Variants in DNMT3A observed in about 807,000 individuals in gnomAD.
The protein encoded by DNMT3A is DNA (cytosine-5)-methyltransferase 3A.
Under a neutral mutation model 117.6 loss-of-function variants are expected in DNMT3A, and 267 were observed. The observed-to-expected ratio is 2.27, with a 90% CI of 2.05 to 2.51. DNMT3A has a LOEUF of 2.51. DNMT3A is among the 30% of genes most tolerant of loss of function. The pLI is 0.00. For missense variants in DNMT3A, 1,029 were observed against 1,260.2 expected (o/e 0.82, Z 2.78); for synonymous variants, 432 against 474.8 (o/e 0.91, Z 1.17).
At chr2:25,245,670 C>T (rs1674668092) in intron 12 of DNMT3A, among the ~76,000 whole-genome samples, 1 of 152,210 alleles carries the variant, frequency 6.6e-6, no homozygotes, top group Admixed American at 6.5e-5. Context: ...GGCCGAGGGT[C>T]CTGAGCCAGA....
At position 25,314,165 on chromosome 2, in the gene DNMT3A, TG is replaced by T. The variant is rs1422040243; in HGVS notation, c.-177-5del. ...GTGGGGGCTTCGATGGCTCCACCTG[TG>T]GGGGAGAGAAGAGGATCAGTGGGGC... On this transcript the variant is annotated splice_polypyrimidine_tract_variant and splice_region_variant and intron_variant, in intron 1 of 22. Coordinates refer to ENST00000321117, the MANE Select transcript of DNMT3A (RefSeq NM_022552.5). 7.0e-7 allele frequency: 1 copy of T among 1,423,028 alleles called. No homozygotes were observed. The highest frequency in any genetic ancestry group is 1.4e-5 in the African/African-American group (1 of 69,004). 88.2% of individuals were successfully genotyped at this position (1,423,028 alleles called of 1,614,324 possible).
intron 3 of DNMT3A, among the ~76,000 whole-genome samples, chr2:25,295,027 C>T (rs1382024517): frequency 6.6e-6 from 1 of 152,200 alleles, no homozygotes; most frequent in Non-Finnish European, 1.5e-5. Context: ...GGGGATGGAG[C>T]CCCACAGGGC....
At chr2:25,275,399 AAGG>A (rs1273523758) in intron 5 of DNMT3A, 98 bp downstream of exon 5, 1 of 1,459,078 alleles carries the variant, frequency 6.9e-7, no homozygotes, top group Non-Finnish European at 9.3e-7. Flanking sequence ...ATGTGTAAAG[AAGG>A]AGGAGGGGCC....
intron 1 of DNMT3A, chr2:25,328,755 G>A (rs747929420): frequency 2.1e-6 from 1 of 484,258 alleles, no homozygotes; most frequent in Admixed American, 2.3e-5. Context: ...AGCCCCCAAG[G>A]CACTGCGTCA....
upstream of DNMT3A, among the ~76,000 whole-genome samples, chr2:25,342,147 G>C (rs1168596945): frequency 2.9e-4 from 42 of 144,654 alleles, no homozygotes; most frequent in Admixed American, 8.2e-4. This position sits in a 1 kb window ranked among gnomAD's most constrained non-coding sequence, Gnocchi z 5.9. Flanking sequence ...CTGCGGAGCC[G>C]GCCCGGGAGG....
At chr2:25,264,422 G>A (rs1401419008) in intron 6 of DNMT3A, among the ~76,000 whole-genome samples, 4 of 151,872 alleles carry the variant, frequency 2.6e-5, no homozygotes, top group East Asian at 3.9e-4. Context: ...TTACAGGCGT[G>A]AGCCACTGTG....
At chr2:25,268,618 C>T (rs2030581006) in intron 6 of DNMT3A, among the ~76,000 whole-genome samples, 1 of 152,170 alleles carries the variant, frequency 6.6e-6, no homozygotes, top group Non-Finnish European at 1.5e-5. Context: ...CCTGCCCTCC[C>T]CACAGCCCTG....
Position 25,281,529 on chromosome 2 carries a change from C to A in DNMT3A, c.448+912G>T. ...GGTTGGATCCATGCAAAATAAGTTA[C>A]GCCAATTAATCAATTTACTCATTTC... is the stretch of plus-strand genomic sequence containing the variant. On this transcript the variant is annotated intron_variant, in intron 4 of 22. Transcript: ENST00000321117. The surrounding 1 kb of genome is among the most constrained non-coding windows in gnomAD (Gnocchi z 4.8). 9.4e-7 allele frequency: 1 copy of A among 1,059,524 alleles called. No individual in the cohort carries two copies. The highest frequency in any genetic ancestry group is 1.1e-6 in the Non-Finnish European group (1 of 875,598). 65.6% of individuals were successfully genotyped at this position (1,059,524 alleles called of 1,614,324 possible). A position where few individuals can be genotyped will look rare whatever the true frequency, so the allele number is the denominator to read the frequency against.
intron 4 of DNMT3A, among the ~76,000 whole-genome samples, chr2:25,280,700 G>A (rs1178369697): frequency 6.6e-6 from 1 of 152,220 alleles, no homozygotes; most frequent in Non-Finnish European, 1.5e-5. Context: ...AGGGCAAGAA[G>A]CAGGTTTTTG....
At position 25,314,483 on chromosome 2, in the gene DNMT3A, C is replaced by T. The variant is rs1040292802; in HGVS notation, c.-177-322G>A. On this transcript the variant is annotated intron_variant, in intron 1 of 22. Transcript: ENST00000321117. ...GCCTCTCTCTCCTTTGAAAGCTTCC[C>T]GCATCCTCCCTCCCACCCCAACCAG... 6 of 985,374 alleles carry T rather than the reference C, an allele frequency of 6.1e-6. No homozygotes were observed. The African/African-American group carries it at 8.7e-5, about 14-fold the overall frequency. The allele number at this position is 985,374 out of a possible 1,614,324, so 61.0% of individuals were successfully genotyped here. A position where few individuals can be genotyped will look rare whatever the true frequency, so the allele number is the denominator to read the frequency against.
rs1558650772 is a variant in DNMT3A, at chr2:25,234,290, CA to C, written c.2727del (p.Phe909LeufsTer13). The C allele has an allele frequency of 1.9e-6, 3 of 1,613,488 alleles. No individual in the cohort carries two copies. The highest frequency in any genetic ancestry group is 1.3e-5 in the African/African-American group (1 of 75,038). On this transcript the variant is annotated frameshift_variant, in exon 23 of 23. Transcript: ENST00000321117. LOFTEE classifies it high-confidence loss of function. This position sits in a 1 kb window ranked among gnomAD's most constrained non-coding sequence, Gnocchi z 4.5. ...RHLFAPLKEY[F>X]ACV The stretch of plus-strand genomic sequence containing the variant: ...TGCCCCCATGTCCCTTACACACACG[CA>C]AAATACTCCTTCAGCGGAGCGAAGA...
intron 4 of DNMT3A, among the ~76,000 whole-genome samples, chr2:25,279,107 C>T (rs2031687884): frequency 6.6e-6 from 1 of 152,186 alleles, no homozygotes. Flanking sequence ...CCACCTGAAT[C>T]ATCATCATTA....
At chr2:25,313,708 C>A (rs2034245447) in intron 2 of DNMT3A, among the ~76,000 whole-genome samples, 1 of 152,222 alleles carries the variant, frequency 6.6e-6, no homozygotes, top group Non-Finnish European at 1.5e-5. Context: ...GTCCTGGAAC[C>A]AAATGCCTGC....
intron 6 of DNMT3A, among the ~76,000 whole-genome samples, chr2:25,273,133 CCCG>C (rs1558696527): frequency 1.3e-5 from 2 of 151,978 alleles, no homozygotes; most frequent in Non-Finnish European, 2.9e-5. Context: ...TGCCACCATG[CCCG>C]GCTAATTTTT....
chr2:25,340,541 G>C (rs980472069), intron 1 of DNMT3A, among the ~76,000 whole-genome samples: 1 of 152,078 alleles, frequency 6.6e-6, no homozygotes, highest in African/African-American at 2.4e-5. Context: ...GGGCGGCCTG[G>C]GGGAGGGGAA....
chr2:25,308,993 ACACACACG>A (rs1360409119), intron 2 of DNMT3A, among the ~76,000 whole-genome samples: 5 of 152,030 alleles, frequency 3.3e-5, no homozygotes, highest in South Asian at 4.1e-4. Flanking sequence ...ACACACACAC[ACACACACG>A]CACGCACATG....
intron 6 of DNMT3A, among the ~76,000 whole-genome samples, chr2:25,267,803 G>T (rs1312436951): frequency 6.6e-6 from 1 of 152,076 alleles, no homozygotes; most frequent in East Asian, 1.9e-4. Flanking sequence ...CAGCCCTGGG[G>T]GCAGGGGGTG....
intron 3 of DNMT3A, among the ~76,000 whole-genome samples, chr2:25,285,294 C>G (rs2032218047): frequency 6.6e-6 from 1 of 152,254 alleles, no homozygotes; most frequent in South Asian, 2.1e-4. Context: ...GAACTCTCAA[C>G]CCACTGTTAT....
chr2:25,277,257 G>A (rs1391506692), intron 4 of DNMT3A, among the ~76,000 whole-genome samples: 1 of 152,142 alleles, frequency 6.6e-6, no homozygotes, highest in Non-Finnish European at 1.5e-5. Flanking sequence ...TTTCCTTTCC[G>A]TCCTCTCTCC....
Sources: allele counts gnomAD v4.1 joint callset (sites outside exome capture counted in the v4.1 genomes callset), GRCh38; gene constraint gnomAD v4.1.1; non-coding constraint Gnocchi (gnomAD v3.1); transcripts MANE v1.5; gene names NCBI Gene and HGNC (gene_info 2026-07-23, HGNC 2026-07-21).